WWOX: variants seen among roughly 807,000 people sequenced by gnomAD.
WWOX encodes WW domain-containing oxidoreductase.
In WWOX, 69 loss-of-function variants were observed where a neutral mutation model predicts 46.2. The ratio of observed to expected loss-of-function variants is 1.49; its 90% CI spans 1.23 to 1.82. WWOX has a LOEUF of 1.82. Ranked by LOEUF, WWOX falls within the 40% of genes most tolerant of loss-of-function variation. WWOX has a pLI of 0.00. For missense variants in WWOX, 919 were observed against 542.6 expected (o/e 1.69, Z -6.89); for synonymous variants, 359 against 202.6 (o/e 1.77, Z -6.56).
intron 8 of WWOX, among the ~76,000 whole-genome samples, chr16:79,097,060 G>A (rs905448251): frequency 1.3e-4 from 19 of 151,712 alleles, no homozygotes; most frequent in Non-Finnish European, 2.9e-5. Flanking sequence ...AGGTCAGGTT[G>A]GATTTTTTTT....
At chr16:79,201,351 T>C (rs1007500566) in intron 8 of WWOX, among the ~76,000 whole-genome samples, 24 of 151,260 alleles carry the variant, frequency 1.6e-4, no homozygotes, top group African/African-American at 4.4e-4. Context: ...TTCTTTTTTT[T>C]TTTTTTTTTT....
At chr16:78,903,805 GT>G (rs1314643637) in intron 8 of WWOX, among the ~76,000 whole-genome samples, 6 of 152,308 alleles carry the variant, frequency 3.9e-5, no homozygotes, top group African/African-American at 1.4e-4. Flanking sequence ...CATGCTGAGA[GT>G]CCAGTCCATT....
Position 78,774,569 on chromosome 16 carries a change from TC to T in WWOX, c.1056+341825del, listed in dbSNP as rs377581272. 2.9e-4 allele frequency among the ~76,000 whole-genome samples: 43 copies of T among 148,666 alleles called. No individual in the cohort carries two copies. The East Asian group carries it at 3.8e-3, about 13-fold the overall frequency. On this transcript the variant is annotated intron_variant, in intron 8 of 8. Transcript: ENST00000566780. ...ACGCATGAGCCTGTACGTGTCCCCC[TC>T]CCCCCCCACACATATGCACATAAGA...
chr16:78,850,159 TGTGA>T (rs1308626102), intron 8 of WWOX, among the ~76,000 whole-genome samples: 2 of 152,056 alleles, frequency 1.3e-5, no homozygotes, highest in South Asian at 2.1e-4. Flanking sequence ...TGTGAGTGTG[TGTGA>T]GTGTGTGTGT....
intron 8 of WWOX, among the ~76,000 whole-genome samples, chr16:79,044,707 T>C (rs369097153): frequency 2.3e-4 from 35 of 152,334 alleles, no homozygotes; most frequent in African/African-American, 8.2e-4. Flanking sequence ...AATGGCCTAA[T>C]ACATGGTCTC....
intron 8 of WWOX, among the ~76,000 whole-genome samples, chr16:78,744,881 C>G (rs2142429178): frequency 6.6e-6 from 1 of 152,284 alleles, no homozygotes; most frequent in South Asian, 2.1e-4. Context: ...AAGAGCAACA[C>G]TCTAGTTTTC....
intron 8 of WWOX, among the ~76,000 whole-genome samples, chr16:78,485,281 C>A (rs2084603283): frequency 6.6e-6 from 1 of 152,132 alleles, no homozygotes; most frequent in South Asian, 2.1e-4. Context: ...TTCAATGAAA[C>A]TACATGTTCA....
At chr16:78,137,010 C>G (rs575482242) in intron 4 of WWOX, among the ~76,000 whole-genome samples, 17 of 152,108 alleles carry the variant, frequency 1.1e-4, no homozygotes, top group Admixed American at 1.0e-3. Context: ...TGCGTGTGCC[C>G]GGTTCTCAAT....
At chr16:78,648,505 A>T (rs1056292843) in intron 8 of WWOX, among the ~76,000 whole-genome samples, 7 of 152,224 alleles carry the variant, frequency 4.6e-5, no homozygotes, top group Admixed American at 1.3e-4. Context: ...ATATTTTGTC[A>T]CAGAATGCCG....
intron 8 of WWOX, among the ~76,000 whole-genome samples, chr16:79,059,639 C>T (rs757601879): frequency 8.6e-5 from 13 of 152,034 alleles, no homozygotes; most frequent in Admixed American, 1.3e-4. Context: ...GGATTATAGG[C>T]GCATGCCACC....
chr16:79,202,950 G>T (rs947694871), intron 8 of WWOX: 3 of 152,162 alleles, frequency 2.0e-5, no homozygotes, highest in Non-Finnish European at 4.4e-5. Flanking sequence ...ACATACCTTT[G>T]TAACTTTCTA....
chr16:78,622,695 C>A (rs1320880344), intron 8 of WWOX, among the ~76,000 whole-genome samples: 1 of 151,728 alleles, frequency 6.6e-6, no homozygotes, highest in Admixed American at 6.6e-5. Flanking sequence ...GGGAGACTTA[C>A]TTCTGACCAA....
At chr16:78,694,851 A>T (rs2048066537) in intron 8 of WWOX, among the ~76,000 whole-genome samples, 1 of 151,174 alleles carries the variant, frequency 6.6e-6, no homozygotes, top group Non-Finnish European at 1.5e-5. Flanking sequence ...GCATTCTGCT[A>T]TGTATCTTTA....
At chr16:79,133,276 C>G (rs1490020007) in intron 8 of WWOX, among the ~76,000 whole-genome samples, 3 of 152,176 alleles carry the variant, frequency 2.0e-5, no homozygotes, top group African/African-American at 7.2e-5. Flanking sequence ...CTTCAGATCA[C>G]AGCCCTTTAC....
chr16:78,967,368 C>T (rs187270435), intron 8 of WWOX, among the ~76,000 whole-genome samples: 5 of 141,480 alleles, frequency 3.5e-5, no homozygotes, highest in Admixed American at 3.1e-4. Context: ...TGGCTCACTG[C>T]AGCCTCCCGG....
At chr16:78,256,488 G>T (rs180788745) in intron 5 of WWOX, among the ~76,000 whole-genome samples, 1 of 152,008 alleles carries the variant, frequency 6.6e-6, no homozygotes, top group East Asian at 2.0e-4. Context: ...GGAGAGAAAT[G>T]TACTGGACTC....
intron 8 of WWOX, among the ~76,000 whole-genome samples, chr16:78,648,757 C>T (rs992040465): frequency 6.6e-6 from 1 of 152,150 alleles, no homozygotes. Context: ...AACCATAAAG[C>T]TTTCTTTCTC....
At chr16:79,187,342 C>T (rs1257694802) in intron 8 of WWOX, among the ~76,000 whole-genome samples, 1 of 152,184 alleles carries the variant, frequency 6.6e-6, no homozygotes, top group South Asian at 2.1e-4. Context: ...AAGCATTGAT[C>T]AAATACCTCC....
chr16:78,285,421 A>T (rs748717753), intron 5 of WWOX, among the ~76,000 whole-genome samples: 1 of 151,790 alleles, frequency 6.6e-6, no homozygotes, highest in Non-Finnish European at 1.5e-5. Context: ...TAACAGAGTG[A>T]GACCCTGTCT....
Sources: gnomAD v4.1 joint callset for allele counts (sites outside exome capture counted in the v4.1 genomes callset) on GRCh38, gnomAD v4.1.1 for gene constraint, MANE v1.5 for transcripts, NCBI Gene and HGNC (gene_info 2026-07-23, HGNC 2026-07-21) for gene names.